EP400: variants seen among roughly 807,000 people sequenced by gnomAD.
EP400 encodes the protein E1A-binding protein p400.
Under a neutral mutation model 354.1 loss-of-function variants are expected in EP400, and 105 were observed. The ratio of observed to expected loss-of-function variants is 0.30; its 90% confidence interval spans 0.25 to 0.35. The LOEUF (loss-of-function observed/expected upper bound fraction) is 0.35, where lower values mean the gene tolerates loss of function less well. EP400 is among the 10% of genes least tolerant of loss of function. EP400 has a pLI of 1.00. For missense variants in EP400, 3,280 were observed against 4,121.0 expected (o/e 0.80, Z 5.59); for synonymous variants, 1,646 against 1,716.9 (o/e 0.96, Z 1.02).
At chr12:131,950,275 C>T (rs760044393) in intron 1 of EP400, among the ~76,000 whole-genome samples, 3 of 152,098 alleles carry the variant, frequency 2.0e-5, no homozygotes, top group Non-Finnish European at 4.4e-5. Flanking sequence ...GCAGGTCGCG[C>T]GATCCGCGCC....
rs117162002 is a variant in EP400, at chr12:131,990,375, C to T, written c.2551-261C>T. 7.1e-3 allele frequency among the ~76,000 whole-genome samples: 1,086 copies of T among 152,302 alleles called. 35 individuals are homozygous for T. In the South Asian group the frequency reaches 0.094, roughly 13 times the overall value. Reference sequence around the variant, plus strand: ...GCTCTGGGCATTGTTTCAGGGTTAGCGTGAGTCACCACCACGGTTACTTCT... The same window carrying T: ...GCTCTGGGCATTGTTTCAGGGTTAGTGTGAGTCACCACCACGGTTACTTCT... On this transcript the variant is annotated intron_variant, in intron 8 of 52. Coordinates refer to ENST00000389561, the MANE Select transcript of EP400 (RefSeq NM_015409.5). The surrounding 1 kb of genome is among the most constrained non-coding windows in gnomAD (Gnocchi z 4.2).
chr12:132,011,566 C>G lies in EP400; in HGVS notation c.3373C>G (p.Arg1125Gly). 6.2e-7 allele frequency: 1 copy of G among 1,613,950 alleles called. No homozygotes were observed. The highest frequency in any genetic ancestry group is 8.5e-7 in the Non-Finnish European group (1 of 1,179,954). The change falls in exon 16 of 53, where the codon CGT (arginine) becomes GGT (glycine). Residue 1125 changes from arginine to glycine, a missense_variant. Physicochemically the swap from Arg to Gly is moderately radical, Grantham distance 125 (BLOSUM62 -2). Around this residue, in one of 20 missense-constraint regions of EP400, gnomAD observed 242 missense variants for 357.9 expected, o/e 0.68. Transcript: ENST00000389561. ...NILKWELELK[R>G]WCPGLKILSY... ...ACTCAAGTGGGAGCTTGAATTGAAA[C>G]GTTGGTGTCCCGGACTCAAAATCCT...
intron 45 of EP400, among the ~76,000 whole-genome samples, chr12:132,059,248 G>T (rs755743236): frequency 1.3e-5 from 2 of 152,140 alleles, no homozygotes; most frequent in African/African-American, 2.4e-5. Context: ...ATACACCGAG[G>T]TAGGGCCCCA....
chr12:132,075,954 T>C lies in EP400; in HGVS notation c.9022-562T>C, dbSNP rs1896222988. On this transcript the variant is annotated intron_variant, in intron 51 of 52. Coordinates refer to ENST00000389561, the MANE Select transcript of EP400 (RefSeq NM_015409.5). The surrounding 1 kb of genome is among the most constrained non-coding windows in gnomAD (Gnocchi z 4.5). ...CTACGTCAAGACAGCGGGAGATGCATGCAGTAGCAAGTGCACAGAAAGTGG... is the reference window on the plus strand; with the variant it reads ...CTACGTCAAGACAGCGGGAGATGCACGCAGTAGCAAGTGCACAGAAAGTGG... The C allele has an allele frequency of 5.1e-6, 1 of 194,652 alleles. No homozygotes were observed. Among genetic ancestry groups the C allele is most frequent in the African/African-American group, 2.3e-5 (1 of 42,928 alleles). The allele number at this position is 194,652 out of a possible 1,614,324, so 12.1% of individuals were successfully genotyped here.
In EP400 at chr12:132,067,359, C is replaced by T; in HGVS notation, c.8750-3C>T. Reference sequence around the variant, plus strand: ...CTGACTAAGGGGCTTTTGCTGCCTGCAGGACAGACCGTGGTGGCCCAGCCC... The same window carrying T: ...CTGACTAAGGGGCTTTTGCTGCCTGTAGGACAGACCGTGGTGGCCCAGCCC... On this transcript the variant is annotated splice_region_variant and splice_polypyrimidine_tract_variant and intron_variant, in intron 49 of 52. Coordinates refer to ENST00000389561, the MANE Select transcript of EP400 (RefSeq NM_015409.5). This position sits in a 1 kb window ranked among gnomAD's most constrained non-coding sequence, Gnocchi z 5.3. 6.2e-7 allele frequency: 1 copy of T among 1,613,258 alleles called. No individual in the cohort carries two copies. The highest frequency in any genetic ancestry group is 8.5e-7 in the Non-Finnish European group (1 of 1,179,914).
chr12:132,072,234 C>T (rs939733651), intron 51 of EP400, among the ~76,000 whole-genome samples: 7 of 152,148 alleles, frequency 4.6e-5, no homozygotes, highest in African/African-American at 7.2e-5. Flanking sequence ...GGCCCGGGAC[C>T]GCAGGTGTGT....
intron 48 of EP400, chr12:132,066,109 T>C (rs1895882628): frequency 6.6e-6 from 1 of 152,222 alleles, no homozygotes; most frequent in South Asian, 2.1e-4. Flanking sequence ...TGGTTTTTTG[T>C]AAAGAGAAGA....
intron 2 of EP400, among the ~76,000 whole-genome samples, chr12:131,969,670 C>T (rs1435876025): frequency 1.3e-5 from 2 of 152,036 alleles, no homozygotes; most frequent in African/African-American, 4.8e-5. Context: ...TCAGCCATTT[C>T]GACAAAGAGC....
intron 2 of EP400, 112 bp from the exon 3 acceptor site, chr12:131,979,582 C>T (rs1326115962): frequency 3.6e-6 from 3 of 828,406 alleles, no homozygotes; most frequent in South Asian, 2.0e-5. Flanking sequence ...AGATAACATT[C>T]CTGTTATTAG....
chr12:132,004,735 C>T (rs1042120433), intron 12 of EP400, among the ~76,000 whole-genome samples: 29 of 152,280 alleles, frequency 1.9e-4, no homozygotes, highest in African/African-American at 7.0e-4. Flanking sequence ...TGTTTCCTGG[C>T]TGTACTGTGT....
At chr12:132,064,557 G>A in intron 47 of EP400, 111 bp from the exon 48 acceptor site, 1 of 1,407,312 alleles carries the variant, frequency 7.1e-7, no homozygotes, top group Non-Finnish European at 9.5e-7. Flanking sequence ...GGTAGCAGGT[G>A]TCTGCTTTGG....
rs1217616312 is a variant in EP400, at chr12:132,074,966, G to A, written c.9022-1550G>A. 4.6e-5 allele frequency among the ~76,000 whole-genome samples: 7 copies of A among 152,168 alleles called. No individual in the cohort carries two copies. In the Middle Eastern group the frequency reaches 0.01, roughly 223 times the overall value. ...GGGGCAAAGGTGGAGTTTTGCTTCC[G>A]CGGGCACCTTCAGGTGCCACAGGAA... On this transcript the variant is annotated intron_variant, in intron 51 of 52. Coordinates refer to ENST00000389561, the MANE Select transcript of EP400 (RefSeq NM_015409.5).
At chr12:132,037,851 G>A (rs920617132) in intron 31 of EP400, 58 bp downstream of exon 31, 8 of 1,611,634 alleles carry the variant, frequency 5.0e-6, no homozygotes, top group African/African-American at 2.7e-5. Flanking sequence ...GCGTGGAATC[G>A]CATGGTGTTA....
At chr12:131,963,525 C>G (rs577307746) in intron 2 of EP400, 2 of 1,585,986 alleles carry the variant, frequency 1.3e-6, no homozygotes, top group Non-Finnish European at 1.7e-6. Flanking sequence ...AAAATATTTC[C>G]TCTCAGGTAA....
intron 48 of EP400, 162 bp downstream of exon 48, chr12:132,065,048 C>A: frequency 7.7e-7 from 1 of 1,296,598 alleles, no homozygotes; most frequent in Non-Finnish European, 1.0e-6. Context: ...ACGGGACTCA[C>A]CACTCGTGGA....
At chr12:132,055,344 T>A in intron 45 of EP400, 136 bp downstream of exon 45, 2 of 750,278 alleles carry the variant, frequency 2.7e-6, no homozygotes, top group South Asian at 1.9e-5. Flanking sequence ...ATAAAATAAG[T>A]AGCTGATCAG....
chr12:132,029,912 C>T lies in EP400; in HGVS notation c.5584+9C>T. ...GGTGCAGTTCGACTCAGGTATGCGG[C>T]AGTTGGGGGCGTGGCCCGTGCGGGA... On this transcript the variant is annotated intron_variant, in intron 28 of 52. Transcript: ENST00000389561. The surrounding 1 kb of genome is among the most constrained non-coding windows in gnomAD (Gnocchi z 4.7). The T allele has an allele frequency of 6.2e-7, 1 of 1,611,796 alleles. No individual in the cohort carries two copies. The highest frequency in any genetic ancestry group is 8.5e-7 in the Non-Finnish European group (1 of 1,179,338).
chr12:131,991,366 TGG>T, intron 9 of EP400, 39 bp from the exon 10 acceptor site: 1 of 1,609,048 alleles, frequency 6.2e-7, no homozygotes, highest in Non-Finnish European at 8.5e-7. Flanking sequence ...TCGCCAAGCA[TGG>T]GGGGCCTTGG....
intron 45 of EP400, among the ~76,000 whole-genome samples, chr12:132,059,163 A>C (rs1895608574): frequency 6.6e-6 from 1 of 152,178 alleles, no homozygotes; most frequent in Admixed American, 6.5e-5. Context: ...AATAAATTTC[A>C]GCTTGTGGAA....
Sources: gnomAD v4.1 joint callset for allele counts (sites outside exome capture counted in the v4.1 genomes callset) on GRCh38, gnomAD v4.1.1 for gene constraint, gnomAD v4.1.1 regional missense constraint, Gnocchi (gnomAD v3.1) non-coding constraint, MANE v1.5 for transcripts, NCBI Gene and HGNC (gene_info 2026-07-23, HGNC 2026-07-21) for gene names.